Variants in CLMN observed in about 807,000 individuals in gnomAD.
CLMN encodes the protein calmin.
A neutral mutation model predicts 92.7 loss-of-function variants in CLMN; 57 were observed. That is an observed-to-expected ratio of 0.61 (90% CI 0.50 to 0.77). The LOEUF (loss-of-function observed/expected upper bound fraction) is 0.77, where lower values mean the gene tolerates loss of function less well. Ranked by LOEUF, CLMN falls within the 30% of genes least tolerant of loss-of-function variation. CLMN has a pLI of 0.00. For synonymous variants in CLMN, 466 were observed against 470.6 expected (o/e 0.99, Z 0.13); for missense variants, 1,158 against 1,237.5 (o/e 0.94, Z 0.96).
Position 95,221,728 on chromosome 14 carries a change from T to C in CLMN, c.287A>G (p.Asn96Ser). The C allele has an allele frequency of 1.2e-6, 2 of 1,614,218 alleles. No individual in the cohort carries two copies. Among genetic ancestry groups the C allele is most frequent in the Non-Finnish European group, 1.7e-6 (2 of 1,180,038 alleles). Residue 96 changes from asparagine (N) to serine (S), a missense_variant, in exon 4 of 13, where the codon AAC (asparagine) becomes AGC (serine). Asn to Ser is a conservative substitution (Grantham distance 46, BLOSUM62 1). Coordinates refer to ENST00000298912, the MANE Select transcript of CLMN (RefSeq NM_024734.4). ...SSSHRIFRLN[N>S]IAKALKFLED... ...CAAAAACTTAAGTGCTTTCGCTATGTTGTTCAACCGAAAAATACGATGCGA... is the reference window on the plus strand; with the variant it reads ...CAAAAACTTAAGTGCTTTCGCTATGCTGTTCAACCGAAAAATACGATGCGA...
rs950424999 is a variant in CLMN at position 95,187,669 on chromosome 14, G to A, written c.*3895C>T. 6.6e-6 allele frequency: 1 copy of A among 152,348 alleles called. No homozygotes were observed. The highest frequency in any genetic ancestry group is 2.4e-5 in the African/African-American group (1 of 41,422). 9.4% of individuals were successfully genotyped at this position (152,348 alleles called of 1,614,324 possible). ...CAAAGGTTGAAGCAACTTAATGAAA[G>A]TCTAAATACTCACGGGTGATGAGGC... On this transcript the variant is annotated 3_prime_UTR_variant, in exon 13 of 13. Coordinates refer to ENST00000298912, the MANE Select transcript of CLMN (RefSeq NM_024734.4).
At chr14:95,290,873 T>C (rs759026755) in intron 1 of CLMN, among the ~76,000 whole-genome samples, 4 of 152,138 alleles carry the variant, frequency 2.6e-5, no homozygotes, top group African/African-American at 9.7e-5. Context: ...CAATGAATGC[T>C]GGTTCTATGA....
intron 1 of CLMN, among the ~76,000 whole-genome samples, chr14:95,293,007 C>T (rs1475214192): frequency 6.6e-6 from 1 of 152,120 alleles, no homozygotes; most frequent in Non-Finnish European, 1.5e-5. Flanking sequence ...CCGTCCATGG[C>T]CATGAGAACC....
intron 2 of CLMN, among the ~76,000 whole-genome samples, chr14:95,227,718 G>A (rs1441366187): frequency 1.3e-5 from 2 of 152,186 alleles, no homozygotes; most frequent in African/African-American, 4.8e-5. Flanking sequence ...GGCCCCAAAC[G>A]CTCTGTGGGC....
rs1896441631 is a variant in CLMN, at chr14:95,186,448, G to A, written c.*5116C>T. ...CCCCACAAAGGTCAGGTCTGACCAG[G>A]AAGCCCCGACCACCTGATCATCAAC... On this transcript the variant is annotated 3_prime_UTR_variant, in exon 13 of 13. Coordinates refer to ENST00000298912, the MANE Select transcript of CLMN (RefSeq NM_024734.4). 1 of 152,228 alleles carries A rather than the reference G, an allele frequency of 6.6e-6. No homozygotes were observed. The highest frequency in any genetic ancestry group is 2.1e-4 in the South Asian group (1 of 4,826). The allele number at this position is 152,228 out of a possible 1,614,324, so 9.4% of individuals were successfully genotyped here.
chr14:95,288,379 A>G (rs145612955), intron 1 of CLMN, among the ~76,000 whole-genome samples: 1 of 152,316 alleles, frequency 6.6e-6, no homozygotes, highest in African/African-American at 2.4e-5. Flanking sequence ...GGAGTGAGCC[A>G]GTGAGAAGGC....
chr14:95,287,497 G>C (rs143315388), intron 1 of CLMN, among the ~76,000 whole-genome samples: 1 of 152,198 alleles, frequency 6.6e-6, no homozygotes, highest in Admixed American at 6.5e-5. Flanking sequence ...AGGAGGGTCT[G>C]AGAGCAGCAC....
chr14:95,302,606 T>A (rs1295429570), intron 1 of CLMN, among the ~76,000 whole-genome samples: 1 of 152,188 alleles, frequency 6.6e-6, no homozygotes, highest in Non-Finnish European at 1.5e-5. Flanking sequence ...AGCAAACACA[T>A]TCCTCTTTTA....
At chr14:95,237,027 A>G (rs1306182874) in intron 1 of CLMN, among the ~76,000 whole-genome samples, 1 of 152,238 alleles carries the variant, frequency 6.6e-6, no homozygotes, top group Non-Finnish European at 1.5e-5. Flanking sequence ...CACGGGCCAA[A>G]GACCTTGGCA....
At chr14:95,257,495 A>C (rs1241048134) in intron 1 of CLMN, among the ~76,000 whole-genome samples, 3 of 152,246 alleles carry the variant, frequency 2.0e-5, no homozygotes, top group Non-Finnish European at 4.4e-5. Flanking sequence ...ATTCAAATTA[A>C]ACTCTTTCAA....
rs1393895939 is a variant in CLMN, at chr14:95,203,657, TG to T, written c.1691del (p.Ser564Ter). Reference protein sequence around the residue: ...DYFEAIPLKASKFNSDLIDFA... With the variant: ...DYFEAIPLKAXKFNSDLIDFA... ...AATCTATTAGGTCGCTGTTAAATTT[TG>T]AGGCTTTTAATGGGATGGCTTCAAA... On this transcript the variant is annotated frameshift_variant, in exon 9 of 13. Coordinates refer to ENST00000298912, the MANE Select transcript of CLMN (RefSeq NM_024734.4). LOFTEE classifies it high-confidence loss of function. 86 of 1,614,086 alleles carry T rather than the reference TG, an allele frequency of 5.3e-5. No individual in the cohort carries two copies. The highest frequency in any genetic ancestry group is 7.2e-5 in the Non-Finnish European group (85 of 1,180,044).
intron 8 of CLMN, among the ~76,000 whole-genome samples, chr14:95,204,971 A>T (rs761185876): frequency 5.9e-5 from 9 of 152,196 alleles, no homozygotes; most frequent in Non-Finnish European, 1.2e-4. Flanking sequence ...TTCTTCATAT[A>T]CTAATTAGCC....
chr14:95,207,383 G>A (rs895602609), intron 8 of CLMN, among the ~76,000 whole-genome samples: 2 of 152,094 alleles, frequency 1.3e-5, no homozygotes, highest in African/African-American at 4.8e-5. Context: ...GCCTCCCAAA[G>A]TGTTGGGATT....
intron 3 of CLMN, among the ~76,000 whole-genome samples, chr14:95,223,348 T>C (rs1178477678): frequency 1.3e-5 from 2 of 152,180 alleles, no homozygotes; most frequent in African/African-American, 4.8e-5. Context: ...CTGGCTCAAC[T>C]TCAGTCATAC....
chr14:95,196,960 CA>C (rs1487373368), intron 9 of CLMN, among the ~76,000 whole-genome samples: 1 of 152,220 alleles, frequency 6.6e-6, no homozygotes, highest in East Asian at 1.9e-4. Context: ...GATCTGATTT[CA>C]AATCCTGGCT....
chr14:95,272,798 G>T (rs1157999433), intron 1 of CLMN, among the ~76,000 whole-genome samples: 1 of 152,168 alleles, frequency 6.6e-6, no homozygotes, highest in Non-Finnish European at 1.5e-5. Context: ...ATTGTAAGTT[G>T]TTTCTATGCG....
At chr14:95,232,128 C>T (rs940722413) in intron 1 of CLMN, among the ~76,000 whole-genome samples, 1 of 152,250 alleles carries the variant, frequency 6.6e-6, no homozygotes, top group African/African-American at 2.4e-5. Flanking sequence ...GTGGCCTTAG[C>T]TGTCTTGGGC....
At chr14:95,315,394 G>C (rs535234218) in intron 1 of CLMN, among the ~76,000 whole-genome samples, 1 of 152,310 alleles carries the variant, frequency 6.6e-6, no homozygotes, top group Admixed American at 6.5e-5. Flanking sequence ...CTCTGCTGTA[G>C]GTCACAAAAC....
At chr14:95,295,470 G>C (rs564966752) in intron 1 of CLMN, among the ~76,000 whole-genome samples, 1 of 152,336 alleles carries the variant, frequency 6.6e-6, no homozygotes, top group Admixed American at 6.5e-5. Flanking sequence ...ACAGGTGGCT[G>C]CTGCACAGGG....
Sources: allele counts gnomAD v4.1 joint callset (sites outside exome capture counted in the v4.1 genomes callset), GRCh38; gene constraint gnomAD v4.1.1; transcripts MANE v1.5; gene names NCBI Gene and HGNC (gene_info 2026-07-23, HGNC 2026-07-21).